Variants in NTRK2 observed in about 807,000 individuals in gnomAD.
The protein encoded by NTRK2 is BDNF/NT-3 growth factors receptor.
Under a neutral mutation model 94.5 loss-of-function variants are expected in NTRK2, and 13 were observed. The observed-to-expected ratio is 0.14, with a 90% CI of 0.09 to 0.22. The LOEUF (loss-of-function observed/expected upper bound fraction) is 0.22, where lower values mean the gene tolerates loss of function less well. Ranked by LOEUF, NTRK2 falls within the 10% of genes least tolerant of loss-of-function variation. The pLI, the probability that NTRK2 is intolerant of heterozygous loss-of-function variation, is 1.00. For synonymous variants in NTRK2, 372 were observed against 407.4 expected (o/e 0.91, Z 1.05); for missense variants, 639 against 1,071.2 (o/e 0.60, Z 5.63).
At chr9:84,988,263 G>GGA (rs944151697) in intron 17 of NTRK2, among the ~76,000 whole-genome samples, 8 of 152,264 alleles carry the variant, frequency 5.3e-5, no homozygotes, top group Non-Finnish European at 1.2e-4. Flanking sequence ...ATGGCTGGAG[G>GGA]GAGAGAGAGA....
At chr9:84,805,024 G>C (rs781141051) in intron 12 of NTRK2, among the ~76,000 whole-genome samples, 3 of 152,152 alleles carry the variant, frequency 2.0e-5, no homozygotes, top group African/African-American at 4.8e-5. Context: ...ATGGGGCAAT[G>C]GTATCAGTCT....
intron 12 of NTRK2, chr9:84,812,856 G>A (rs1177101151): frequency 9.7e-7 from 1 of 1,034,528 alleles, no homozygotes; most frequent in Admixed American, 5.7e-5. Flanking sequence ...GGACAGATAA[G>A]GCCATTTAAT....
At chr9:84,990,421 A>G (rs1055004788) in intron 17 of NTRK2, among the ~76,000 whole-genome samples, 2 of 152,090 alleles carry the variant, frequency 1.3e-5, no homozygotes, top group African/African-American at 4.8e-5. Flanking sequence ...CTGAAAACCA[A>G]TTGCCTCCCA....
chr9:85,020,984 C>G (rs916595281), intron 18 of NTRK2, among the ~76,000 whole-genome samples: 1 of 152,118 alleles, frequency 6.6e-6, no homozygotes, highest in African/African-American at 2.4e-5. Context: ...TGTGGGAGCT[C>G]CAGTGTGAGG....
intron 17 of NTRK2, among the ~76,000 whole-genome samples, chr9:84,958,078 G>T (rs546955339): frequency 6.6e-6 from 1 of 152,198 alleles, no homozygotes; most frequent in East Asian, 1.9e-4. Context: ...AATGGTTACC[G>T]GGAGATGGGG....
intron 12 of NTRK2, among the ~76,000 whole-genome samples, chr9:84,852,126 G>A (rs1292803906): frequency 1.3e-5 from 2 of 152,146 alleles, no homozygotes; most frequent in African/African-American, 4.8e-5. Flanking sequence ...GGAAACAAAA[G>A]CTCCTGGGAA....
intron 8 of NTRK2, among the ~76,000 whole-genome samples, chr9:84,727,126 T>G (rs67293254): frequency 0.028 from 4,269 of 152,316 alleles, 81 homozygotes; most frequent in Admixed American, 0.047. Flanking sequence ...TAATTCATCA[T>G]CAGCAGCAAC....
chr9:84,954,687 T>C (rs1034653275), intron 16 of NTRK2, among the ~76,000 whole-genome samples: 1 of 152,152 alleles, frequency 6.6e-6, no homozygotes, highest in African/African-American at 2.4e-5. Flanking sequence ...GAGCCAGGCG[T>C]AGCTTCAAAA....
chr9:84,865,563 T>G (rs976950911), intron 13 of NTRK2, among the ~76,000 whole-genome samples: 1 of 152,186 alleles, frequency 6.6e-6, no homozygotes, highest in Non-Finnish European at 1.5e-5. Context: ...ATTGCTGTGC[T>G]TCTCACTAAA....
chr9:84,869,516 T>G (rs555979090), intron 14 of NTRK2, among the ~76,000 whole-genome samples: 160 of 152,194 alleles, frequency 1.1e-3, no homozygotes, highest in Non-Finnish European at 2.0e-3. Flanking sequence ...GCGATTTACT[T>G]CTTTCCTTCC....
intron 12 of NTRK2, among the ~76,000 whole-genome samples, chr9:84,784,574 A>T (rs2067938532): frequency 6.6e-6 from 1 of 152,196 alleles, no homozygotes; most frequent in African/African-American, 2.4e-5. Flanking sequence ...TGTATGAAGA[A>T]AGGAGAGACA....
At chr9:84,712,038 C>G (rs536395694) in intron 6 of NTRK2, among the ~76,000 whole-genome samples, 4 of 151,960 alleles carry the variant, frequency 2.6e-5, no homozygotes, top group African/African-American at 9.7e-5. Flanking sequence ...GAGAAATTGC[C>G]TAGAGGGACA....
At chr9:84,866,871 T>C (rs1258932107) in intron 13 of NTRK2, among the ~76,000 whole-genome samples, 1 of 152,192 alleles carries the variant, frequency 6.6e-6, no homozygotes, top group South Asian at 2.1e-4. Flanking sequence ...CAATGGAGTA[T>C]TATTAGGCAA....
At chr9:84,787,901 C>T in intron 12 of NTRK2, among the ~76,000 whole-genome samples, 1 of 152,082 alleles carries the variant, frequency 6.6e-6, no homozygotes, top group African/African-American at 2.4e-5. Flanking sequence ...AATGCTAGCT[C>T]CAGCATTTAC....
At chr9:84,848,025 C>A (rs995173777) in intron 12 of NTRK2, among the ~76,000 whole-genome samples, 3 of 151,900 alleles carry the variant, frequency 2.0e-5, no homozygotes, top group African/African-American at 7.3e-5. Context: ...CCAATGGCCA[C>A]CTTCTTGCTG....
intron 14 of NTRK2, among the ~76,000 whole-genome samples, chr9:84,933,590 T>C (rs182164405): frequency 1.4e-4 from 22 of 152,306 alleles, no homozygotes; most frequent in Non-Finnish European, 3.1e-4. Context: ...ATGTTTCTGA[T>C]CCAAACAAAG....
At chr9:84,941,235 G>T (rs2078397285) in intron 15 of NTRK2, among the ~76,000 whole-genome samples, 1 of 152,180 alleles carries the variant, frequency 6.6e-6, no homozygotes, top group African/African-American at 2.4e-5. Context: ...AAGAGTGTGT[G>T]TGTGTATGCA....
chr9:84,915,913 C>G (rs529245654), intron 14 of NTRK2, among the ~76,000 whole-genome samples: 1 of 152,070 alleles, frequency 6.6e-6, no homozygotes, highest in South Asian at 2.1e-4. Flanking sequence ...GTGTCCTGCT[C>G]AATGTAAAAG....
chr9:84,739,298 G>A (rs1335365173), intron 9 of NTRK2, among the ~76,000 whole-genome samples: 7 of 152,162 alleles, frequency 4.6e-5, no homozygotes, highest in East Asian at 1.9e-4. Flanking sequence ...TGATCTGCCC[G>A]CCTTGGCCTC....
Sources: allele counts gnomAD v4.1 joint callset (sites outside exome capture counted in the v4.1 genomes callset), GRCh38; gene constraint gnomAD v4.1.1; transcripts MANE v1.5; gene names NCBI Gene and HGNC (gene_info 2026-07-23, HGNC 2026-07-21).